CPED1: variants seen among roughly 807,000 people sequenced by gnomAD.
The protein encoded by CPED1 is cadherin-like and PC-esterase domain-containing protein 1.
Under a neutral mutation model 128.2 loss-of-function variants are expected in CPED1, and 114 were observed. The observed-to-expected ratio is 0.89, with a 90% CI of 0.76 to 1.04. The LOEUF (loss-of-function observed/expected upper bound fraction) is 1.04. Ranked by LOEUF, CPED1 falls within the 50% of genes least tolerant of loss-of-function variation. The pLI, the probability that CPED1 is intolerant of heterozygous loss-of-function variation, is 0.00. For synonymous variants in CPED1, 462 were observed against 426.7 expected (o/e 1.08, Z -1.02); for missense variants, 1,211 against 1,207.1 (o/e 1.00, Z -0.05).
chr7:121,028,155 G>C (rs987032681), intron 3 of CPED1, among the ~76,000 whole-genome samples: 3 of 152,106 alleles, frequency 2.0e-5, no homozygotes, highest in African/African-American at 7.2e-5. Context: ...ACTGCAGATT[G>C]CTGGGCCCTA....
chr7:121,056,660 A>G (rs1221798543), intron 4 of CPED1, among the ~76,000 whole-genome samples: 1 of 152,140 alleles, frequency 6.6e-6, no homozygotes, highest in Non-Finnish European at 1.5e-5. Context: ...ATATGTTCTT[A>G]TATTATTTCT....
At chr7:121,067,408 G>T (rs1793864682) in intron 5 of CPED1, among the ~76,000 whole-genome samples, 1 of 151,758 alleles carries the variant, frequency 6.6e-6, no homozygotes, top group Admixed American at 6.6e-5. Flanking sequence ...AATGAAGGTT[G>T]CAGCTTCATT....
intron 16 of CPED1, among the ~76,000 whole-genome samples, chr7:121,202,835 T>A (rs956003116): frequency 6.6e-6 from 1 of 152,118 alleles, no homozygotes; most frequent in Non-Finnish European, 1.5e-5. Flanking sequence ...ATAGGAAAGA[T>A]GTTAAGTAGC....
chr7:121,126,535 A>T (rs1795508444), intron 9 of CPED1, among the ~76,000 whole-genome samples: 1 of 152,164 alleles, frequency 6.6e-6, no homozygotes, highest in South Asian at 2.1e-4. Context: ...AGGGTGGGAA[A>T]AAAGGAAGAA....
chr7:121,055,259 T>A lies in CPED1; in HGVS notation c.540+8266T>A, dbSNP rs926817059. Among the ~76,000 whole-genome samples, 41 of 152,316 alleles carry A rather than the reference T, an allele frequency of 2.7e-4. No individual in the cohort carries two copies. The South Asian group carries it at 8.3e-3, about 31-fold the overall frequency. On this transcript the variant is annotated intron_variant, in intron 4 of 22. Coordinates refer to ENST00000310396, the MANE Select transcript of CPED1 (RefSeq NM_024913.5). Reference sequence around the variant, plus strand: ...TTTAACTTTAAGAAACTTTAAAAACTTTTAAATTTAAAAATTTTTAAAATG... The same window carrying A: ...TTTAACTTTAAGAAACTTTAAAAACATTTAAATTTAAAAATTTTTAAAATG...
chr7:121,008,632 T>TTTGGATTAAC lies in CPED1; in HGVS notation c.250-7033_250-7032insTTGGATTAAC, dbSNP rs59007456. ...ATTAATTTGGATTAATTTGGATTAA[T>TTTGGATTAAC]CAGAATCAAAAGACTAATCACCAAA... On this transcript the variant is annotated intron_variant, in intron 2 of 22. Coordinates refer to ENST00000310396, the MANE Select transcript of CPED1 (RefSeq NM_024913.5). Among the ~76,000 whole-genome samples the TTTGGATTAAC allele has an allele frequency of 5.3e-5, 8 of 152,224 alleles. 1 individual carries two copies. In the South Asian group the frequency reaches 1.7e-3, roughly 32 times the overall value.
intron 16 of CPED1, among the ~76,000 whole-genome samples, chr7:121,177,396 AC>A (rs1363642820): frequency 6.6e-6 from 1 of 152,044 alleles, no homozygotes; most frequent in African/African-American, 2.4e-5. Flanking sequence ...ATCCGACTTT[AC>A]AAGCTGTATT....
chr7:121,092,765 G>T (rs1239706958), intron 5 of CPED1, among the ~76,000 whole-genome samples: 1 of 152,180 alleles, frequency 6.6e-6, no homozygotes, highest in Non-Finnish European at 1.5e-5. Context: ...AATTGGAGCT[G>T]ATTGACCCTG....
chr7:121,142,799 A>G (rs1253250318), intron 16 of CPED1, among the ~76,000 whole-genome samples: 2 of 152,028 alleles, frequency 1.3e-5, no homozygotes, highest in East Asian at 1.9e-4. Context: ...CTCATATCAT[A>G]TACCCCTTGC....
chr7:121,103,579 T>C (rs1483781817), intron 7 of CPED1, among the ~76,000 whole-genome samples: 1 of 152,190 alleles, frequency 6.6e-6, no homozygotes, highest in Non-Finnish European at 1.5e-5. Flanking sequence ...TCACTGCTAA[T>C]GTGGAGGACA....
intron 16 of CPED1, chr7:121,149,682 C>T (rs1295654949): frequency 6.6e-6 from 1 of 152,166 alleles, no homozygotes; most frequent in Non-Finnish European, 1.5e-5. Flanking sequence ...ATTGTTGCTT[C>T]AAGTTTATGT....
At chr7:121,075,562 A>C (rs2116109721) in intron 5 of CPED1, among the ~76,000 whole-genome samples, 1 of 152,126 alleles carries the variant, frequency 6.6e-6, no homozygotes. Flanking sequence ...TCCCAGGTTC[A>C]AGTAGTTCTC....
At chr7:121,150,930 G>A (rs776170890) in intron 16 of CPED1, among the ~76,000 whole-genome samples, 2 of 151,916 alleles carry the variant, frequency 1.3e-5, no homozygotes, top group East Asian at 1.9e-4. Context: ...CACCACACCC[G>A]GCTAATTTTT....
At chr7:121,063,277 C>G (rs1355411196) in intron 4 of CPED1, among the ~76,000 whole-genome samples, 1 of 136,060 alleles carries the variant, frequency 7.3e-6, no homozygotes, top group East Asian at 2.4e-4. Flanking sequence ...TTAAATGAAT[C>G]AGTTTTTAGA....
At chr7:121,279,392 C>T (rs1301142147) in intron 22 of CPED1, among the ~76,000 whole-genome samples, 1 of 152,030 alleles carries the variant, frequency 6.6e-6, no homozygotes, top group Non-Finnish European at 1.5e-5. Context: ...ATCTTCCCTT[C>T]CACTTGAAAC....
chr7:121,168,858 T>C (rs1796591535), intron 16 of CPED1, among the ~76,000 whole-genome samples: 1 of 152,180 alleles, frequency 6.6e-6, no homozygotes, highest in African/African-American at 2.4e-5. Flanking sequence ...GTAAAATTTC[T>C]TAGAAACAAG....
chr7:121,156,080 G>T (rs956238173), intron 16 of CPED1, among the ~76,000 whole-genome samples: 4 of 152,030 alleles, frequency 2.6e-5, no homozygotes, highest in African/African-American at 9.7e-5. Flanking sequence ...GGCCAACAAG[G>T]ATGTGAAAAA....
chr7:121,046,708 C>G (rs544293551), intron 3 of CPED1, among the ~76,000 whole-genome samples, 179 bp from the exon 4 acceptor site: 1 of 151,996 alleles, frequency 6.6e-6, no homozygotes, highest in South Asian at 2.1e-4. Flanking sequence ...ACTAGAAATT[C>G]CAAAATTTAA....
At chr7:121,196,123 T>TG (rs1467897872) in intron 16 of CPED1, among the ~76,000 whole-genome samples, 2 of 152,030 alleles carry the variant, frequency 1.3e-5, no homozygotes, top group African/African-American at 2.4e-5. Context: ...TTTTCAGAAA[T>TG]AATTTAGCTG....
Sources: gnomAD v4.1 joint callset for allele counts (sites outside exome capture counted in the v4.1 genomes callset) on GRCh38, gnomAD v4.1.1 for gene constraint, MANE v1.5 for transcripts, NCBI Gene and HGNC (gene_info 2026-07-23, HGNC 2026-07-21) for gene names.